Variants in TET1 observed in about 807,000 individuals in gnomAD.
TET1 encodes the protein tet methylcytosine dioxygenase 1.
A neutral mutation model predicts 148.7 loss-of-function variants in TET1; 13 were observed. The ratio of observed to expected loss-of-function variants is 0.09; its 90% confidence interval spans 0.06 to 0.14. The LOEUF (loss-of-function observed/expected upper bound fraction) is 0.14, where lower values mean the gene tolerates loss of function less well. Among genes scored for constraint, TET1 ranks in the 10% least tolerant of loss-of-function variants. The pLI is 1.00. For synonymous variants in TET1, 907 were observed against 937.2 expected (o/e 0.97, Z 0.59); for missense variants, 2,182 against 2,553.8 (o/e 0.85, Z 3.14).
intron 2 of TET1, among the ~76,000 whole-genome samples, chr10:68,590,960 A>G (rs749712903): frequency 4.0e-5 from 6 of 151,720 alleles, no homozygotes; most frequent in Non-Finnish European, 5.9e-5. Flanking sequence ...GGTTCAAGCG[A>G]TTCTCCTGCC....
In TET1 at chr10:68,624,099, C is replaced by CTTTTTTTT. The variant is rs773374173; in HGVS notation, c.1969-20595_1969-20594insTTTTTTTT. Among the ~76,000 whole-genome samples, 35 of 148,116 alleles carry CTTTTTTTT rather than the reference C, an allele frequency of 2.4e-4. 1 individual carries two copies. The highest frequency in any genetic ancestry group is 8.5e-4 in the South Asian group (4 of 4,714). Reference sequence around the variant, plus strand: ...TATTTTCTTTTTTCTTTCTTTCTTTCTTTTCTTTTTTTTTTGAAATGGAGT... The same window carrying CTTTTTTTT: ...TATTTTCTTTTTTCTTTCTTTCTTTCTTTTTTTTTTTTCTTTTTTTTTTGAAATGGAGT... On this transcript the variant is annotated intron_variant, in intron 3 of 11. Transcript: ENST00000373644.
chr10:68,581,510 A>G (rs1405624714), intron 2 of TET1, among the ~76,000 whole-genome samples: 2 of 152,174 alleles, frequency 1.3e-5, no homozygotes, highest in Non-Finnish European at 2.9e-5. Flanking sequence ...GCTAAGCTAC[A>G]CTTTCACAAG....
At chr10:68,673,960 C>CTTTTTTTTTTT (rs869073350) in intron 8 of TET1, among the ~76,000 whole-genome samples, 7 of 72,402 alleles carry the variant, frequency 9.7e-5, no homozygotes, top group African/African-American at 1.6e-4. Flanking sequence ...TTTTCTTTTT[C>CTTTTTTTTTTT]TTTTTTTTTT....
chr10:68,639,466 C>CTATTAT (rs76248128), intron 3 of TET1, among the ~76,000 whole-genome samples: 4,082 of 113,124 alleles, frequency 0.036, 67 homozygotes, highest in Middle Eastern at 0.053. Flanking sequence ...ACTACTACTA[C>CTATTAT]TATTATTATT....
chr10:68,562,005 G>A (rs2053560271), intron 1 of TET1, among the ~76,000 whole-genome samples: 1 of 152,076 alleles, frequency 6.6e-6, no homozygotes, highest in South Asian at 2.1e-4. Context: ...CCACTCCTGG[G>A]CACTAAACGA....
intron 2 of TET1, among the ~76,000 whole-genome samples, chr10:68,576,315 C>T (rs2053730275): frequency 6.7e-6 from 1 of 149,920 alleles, no homozygotes; most frequent in Non-Finnish European, 1.5e-5. Context: ...TGCGCCACTG[C>T]ACTCCAGCAG....
At chr10:68,580,226 C>A (rs1376920111) in intron 2 of TET1, among the ~76,000 whole-genome samples, 1 of 151,566 alleles carries the variant, frequency 6.6e-6, no homozygotes, top group African/African-American at 2.4e-5. Context: ...CTGTGCCCGG[C>A]CGAGTCTCAC....
In TET1 at chr10:68,573,134, C is replaced by T. The variant is rs143870952; in HGVS notation, c.796C>T (p.Pro266Ser). The T allele has an allele frequency of 1.5e-5, 24 of 1,614,094 alleles. No homozygotes were observed. In the African/African-American group the frequency reaches 3.1e-4, roughly 21 times the overall value. ...ATPKVTSQGN[P>S]SIQLEELGSR... ...CCCCAAAGTTACCTCTCAAGGAAAC[C>T]CCAGCATTCAGTTAGAAGAGTTGGG... Residue 266 changes from proline (P) to serine (S), a missense_variant, in exon 2 of 12, where the codon CCC becomes TCC. By Grantham distance (74) the Pro-to-Ser change is moderately conservative. This residue lies in a region of TET1 where 665 missense variants were observed against 672.4 expected (regional missense o/e 0.99). Coordinates refer to ENST00000373644, the MANE Select transcript of TET1 (RefSeq NM_030625.3).
intron 3 of TET1, among the ~76,000 whole-genome samples, chr10:68,622,326 A>G (rs1257269668): frequency 6.7e-6 from 1 of 149,442 alleles, no homozygotes. Context: ...GTGCAGTGGC[A>G]TGATCTCGGG....
chr10:68,627,183 G>A (rs545410449), intron 3 of TET1, among the ~76,000 whole-genome samples: 8 of 152,022 alleles, frequency 5.3e-5, no homozygotes, highest in Admixed American at 2.6e-4. Context: ...CAAGGCGGGC[G>A]GATCACCTGA....
intron 3 of TET1, among the ~76,000 whole-genome samples, chr10:68,639,579 C>A (rs2054711398): frequency 6.6e-6 from 1 of 151,824 alleles, no homozygotes; most frequent in African/African-American, 2.4e-5. Context: ...CGTGATCCTC[C>A]CGCTTCAGCC....
intron 3 of TET1, among the ~76,000 whole-genome samples, chr10:68,633,309 T>C (rs2054603630): frequency 6.6e-6 from 1 of 152,208 alleles, no homozygotes; most frequent in South Asian, 2.1e-4. Context: ...CTGATTAATC[T>C]ATATTTGTAT....
At chr10:68,601,842 A>G (rs1015709290) in intron 3 of TET1, among the ~76,000 whole-genome samples, 4 of 152,300 alleles carry the variant, frequency 2.6e-5, no homozygotes, top group Middle Eastern at 3.4e-3. Flanking sequence ...AAGAAATACT[A>G]AGCAATAAAA....
intron 3 of TET1, among the ~76,000 whole-genome samples, chr10:68,633,322 T>C (rs2054603874): frequency 1.3e-5 from 2 of 152,162 alleles, no homozygotes; most frequent in Non-Finnish European, 2.9e-5. Flanking sequence ...ATTTGTATGG[T>C]CTTTTAATTT....
chr10:68,661,966 C>A (rs2055126133), intron 6 of TET1, among the ~76,000 whole-genome samples: 1 of 150,330 alleles, frequency 6.7e-6, no homozygotes, highest in Admixed American at 6.7e-5. Flanking sequence ...ACTGCAACCT[C>A]TGTGGTTCAA....
At chr10:68,667,639 G>A (rs1431589686) in intron 7 of TET1, among the ~76,000 whole-genome samples, 1 of 151,990 alleles carries the variant, frequency 6.6e-6, no homozygotes, top group African/African-American at 2.4e-5. Flanking sequence ...AGCTACTCAG[G>A]AGGCTGAGGC....
chr10:68,640,331 T>C (rs1357658846), intron 3 of TET1, among the ~76,000 whole-genome samples: 1 of 151,418 alleles, frequency 6.6e-6, no homozygotes, highest in African/African-American at 2.4e-5. Context: ...TGGCTCAATC[T>C]CGGCTCACTG....
chr10:68,607,907 G>T (rs924664477), intron 3 of TET1, among the ~76,000 whole-genome samples: 2 of 150,700 alleles, frequency 1.3e-5, no homozygotes, highest in African/African-American at 4.9e-5. Context: ...GCCTATGCAA[G>T]AGAACGTGGG....
chr10:68,691,671 G>A lies in TET1; in HGVS notation c.6268G>A (p.Glu2090Lys), dbSNP rs765526444. The A allele has an allele frequency of 1.9e-6, 3 of 1,614,192 alleles. No individual in the cohort carries two copies. The highest frequency in any genetic ancestry group is 2.5e-6 in the Non-Finnish European group (3 of 1,180,028). Residue 2090 changes from glutamate (E) to lysine (K), a missense_variant, in exon 12 of 12, where the codon GAA becomes AAA. Around this residue, in one of 11 missense-constraint regions of TET1, gnomAD observed 54 missense variants for 44.4 expected, o/e 1.22. Transcript: ENST00000373644. This position sits in a 1 kb window ranked among gnomAD's most constrained non-coding sequence, Gnocchi z 4.4. ...AGAGCAAAAAGACCAGGCAGCTAAT[G>A]AAGGTCCAGAACAGTCCTCTGAAGT... Reference protein sequence around the residue: ...ASEQKDQAANEGPEQSSEVNE... With the variant: ...ASEQKDQAANKGPEQSSEVNE...
Sources: allele counts gnomAD v4.1 joint callset (sites outside exome capture counted in the v4.1 genomes callset), GRCh38; gene constraint gnomAD v4.1.1; regional missense constraint gnomAD v4.1.1; non-coding constraint Gnocchi (gnomAD v3.1); transcripts MANE v1.5; gene names NCBI Gene and HGNC (gene_info 2026-07-23, HGNC 2026-07-21).